PITPNM2: variants seen among roughly 807,000 people sequenced by gnomAD.
The protein encoded by PITPNM2 is phosphatidylinositol transfer protein membrane associated 2, also known as membrane-associated phosphatidylinositol transfer protein 2.
PITPNM2 carries 35 observed loss-of-function variants against 132.2 expected under a neutral mutation model. The observed-to-expected ratio is 0.26, with a 90% confidence interval of 0.20 to 0.35. The LOEUF (loss-of-function observed/expected upper bound fraction) is 0.35, where lower values mean the gene tolerates loss of function less well. PITPNM2 is among the 10% of genes least tolerant of loss of function. The pLI is 1.00. For synonymous variants in PITPNM2, 738 were observed against 799.2 expected (o/e 0.92, Z 1.29); for missense variants, 1,332 against 1,912.0 (o/e 0.70, Z 5.66).
intron 2 of PITPNM2, among the ~76,000 whole-genome samples, chr12:123,047,733 A>C (rs1194370403): frequency 7.9e-5 from 12 of 152,082 alleles, no homozygotes; most frequent in Admixed American, 7.9e-4. Flanking sequence ...GACAGGCATC[A>C]CATGAGTTAT....
intron 2 of PITPNM2, chr12:123,089,874 A>C (rs1328345877): frequency 6.6e-6 from 1 of 152,242 alleles, no homozygotes; most frequent in Non-Finnish European, 1.5e-5. Flanking sequence ...CACAAGCATG[A>C]GTCAGAGCCA....
chr12:123,029,765 C>A (rs569890771), intron 3 of PITPNM2, among the ~76,000 whole-genome samples: 3 of 151,552 alleles, frequency 2.0e-5, no homozygotes, highest in Non-Finnish European at 2.9e-5. Flanking sequence ...TGTGTACATA[C>A]CTGTATGCAT....
intron 1 of PITPNM2, among the ~76,000 whole-genome samples, chr12:123,143,550 A>T (rs191127986): frequency 6.6e-6 from 1 of 152,208 alleles, no homozygotes. Flanking sequence ...CCCAGGCATA[A>T]GAAGGCCACA....
chr12:123,057,506 C>T (rs1171065849), intron 2 of PITPNM2, among the ~76,000 whole-genome samples: 2 of 152,122 alleles, frequency 1.3e-5, no homozygotes, highest in African/African-American at 4.8e-5. Flanking sequence ...GGTCTCCTCA[C>T]CCTACAAGTA....
rs570433509 is a variant in PITPNM2, at chr12:123,036,021, G to A, written c.-95-1336C>T. On this transcript the variant is annotated intron_variant, in intron 2 of 25. Transcript: ENST00000320201. This position sits in a 1 kb window ranked among gnomAD's most constrained non-coding sequence, Gnocchi z 4.1. ...CTACAGATGCACGCCACCCACACCC[G>A]GCTAACGGTAGTATTTTAGCAAGAC... Among the ~76,000 whole-genome samples the A allele has an allele frequency of 2.0e-4, 30 of 152,136 alleles. 1 individual carries two copies. In the South Asian group the frequency reaches 4.8e-3, roughly 24 times the overall value.
Position 123,013,941 on chromosome 12 carries a change from G to A in PITPNM2, c.180C>T (p.His60=). ...DGPGGSGQYT[H]KVYHVGMHIP... ...TGTGCATGCCCACATGATACACCTT[G>A]TGTGTGTACTGCCCAGAGCCGCCTG... The change falls in exon 4 of 26, where the codon CAC becomes CAT. Residue 60 remains histidine (H), a synonymous_variant. Transcript: ENST00000320201. The A allele has an allele frequency of 6.2e-7, 1 of 1,614,270 alleles. No homozygotes were observed.
intron 1 of PITPNM2, among the ~76,000 whole-genome samples, chr12:123,139,544 T>C (rs1003246214): frequency 6.6e-6 from 1 of 151,800 alleles, no homozygotes; most frequent in African/African-American, 2.4e-5. Flanking sequence ...CTCTGCCTTC[T>C]TTCCTGCTCT....
chr12:123,008,273 A>T lies in PITPNM2; in HGVS notation c.643+1577T>A, dbSNP rs545923440. 1.7e-4 allele frequency among the ~76,000 whole-genome samples: 26 copies of T among 152,292 alleles called. No individual in the cohort carries two copies. The highest frequency in any genetic ancestry group is 3.4e-3 in the Middle Eastern group (1 of 294). On this transcript the variant is annotated intron_variant, in intron 6 of 25. Coordinates refer to ENST00000320201, the MANE Select transcript of PITPNM2 (RefSeq NM_020845.3). The surrounding 1 kb of genome is among the most constrained non-coding windows in gnomAD (Gnocchi z 4.1). ...GGTAGGGCTAGGGAGAGCCAAGCAG[A>T]CCCACAGAGCCAGAGTGCCAGGAGC...
intron 5 of PITPNM2, among the ~76,000 whole-genome samples, chr12:123,012,335 T>A (rs760111153): frequency 6.6e-6 from 1 of 152,284 alleles, no homozygotes; most frequent in Middle Eastern, 3.4e-3. Context: ...CGAGCCCATA[T>A]GTACTTCTGG....
intron 2 of PITPNM2, among the ~76,000 whole-genome samples, chr12:123,068,883 T>A (rs1486893038): frequency 1.3e-5 from 2 of 152,156 alleles, no homozygotes; most frequent in Admixed American, 6.5e-5. Flanking sequence ...AGAGCCAAGA[T>A]GGTTAAGTCC....
intron 1 of PITPNM2, among the ~76,000 whole-genome samples, chr12:123,139,389 T>C (rs184026309): frequency 1.6e-4 from 25 of 151,520 alleles, no homozygotes; most frequent in Admixed American, 7.2e-4. Flanking sequence ...TAGTCCCAGC[T>C]ACTCAGGAGG....
chr12:123,079,350 C>CTTTTTTTT (rs139205213), intron 2 of PITPNM2, among the ~76,000 whole-genome samples: 12 of 53,790 alleles, frequency 2.2e-4, no homozygotes, highest in East Asian at 7.9e-4. Context: ...TTTTTCTTTT[C>CTTTTTTTT]TTTTTTTTTT....
intron 2 of PITPNM2, chr12:123,075,639 C>T (rs2041760688): frequency 6.6e-6 from 1 of 152,240 alleles, no homozygotes; most frequent in African/African-American, 2.4e-5. Context: ...CACACTTTCA[C>T]AGGCTGGAGC....
chr12:123,121,599 T>G (rs1404350459), intron 1 of PITPNM2, among the ~76,000 whole-genome samples: 2 of 152,174 alleles, frequency 1.3e-5, no homozygotes, highest in Non-Finnish European at 2.9e-5. Context: ...CAGGCTGGAG[T>G]GCAGGGGCAT....
chr12:123,050,022 T>A (rs984788066), intron 2 of PITPNM2, among the ~76,000 whole-genome samples: 26 of 152,236 alleles, frequency 1.7e-4, no homozygotes, highest in African/African-American at 6.3e-4. Context: ...TAGTGCACGC[T>A]CCCTGCCATG....
At chr12:123,065,968 G>T (rs544965875) in intron 2 of PITPNM2, among the ~76,000 whole-genome samples, 1 of 152,364 alleles carries the variant, frequency 6.6e-6, no homozygotes, top group South Asian at 2.1e-4. Context: ...TGCTGGAGAC[G>T]TGGGGCAGAG....
At chr12:123,074,106 G>C (rs370791019) in intron 2 of PITPNM2, among the ~76,000 whole-genome samples, 3 of 152,374 alleles carry the variant, frequency 2.0e-5, no homozygotes, top group African/African-American at 7.2e-5. Context: ...GAGTGAAAGA[G>C]CCAAGGATCC....
Position 123,049,561 on chromosome 12 carries a change from C to T in PITPNM2, c.-95-14876G>A, listed in dbSNP as rs542712203. Among the ~76,000 whole-genome samples, 23 of 152,354 alleles carry T rather than the reference C, an allele frequency of 1.5e-4. 1 individual carries two copies. In the South Asian group the frequency reaches 3.9e-3, roughly 26 times the overall value. The stretch of plus-strand genomic sequence containing the variant: ...AGGCCAGGGAACAGCTGCTCCCTCA[C>T]TCCCTGGCATCAACCAGGTCTGGGC... On this transcript the variant is annotated intron_variant, in intron 2 of 25. Transcript: ENST00000320201.
intron 1 of PITPNM2, among the ~76,000 whole-genome samples, chr12:123,112,538 CT>C (rs113732529): frequency 0.028 from 3,975 of 140,034 alleles, 43 homozygotes; most frequent in Non-Finnish European, 0.038. Flanking sequence ...CTTCAATATA[CT>C]TTTTTTTTTT....
Sources: allele counts gnomAD v4.1 joint callset (sites outside exome capture counted in the v4.1 genomes callset), GRCh38; gene constraint gnomAD v4.1.1; non-coding constraint Gnocchi (gnomAD v3.1); transcripts MANE v1.5; gene names NCBI Gene and HGNC (gene_info 2026-07-23, HGNC 2026-07-21).